The following CD53 variants were observed in gnomAD, a reference collection of about 807,000 sequenced individuals.
The protein encoded by CD53 is leukocyte surface antigen CD53.
Under a neutral mutation model 27.3 loss-of-function variants are expected in CD53, and 20 were observed. The observed-to-expected ratio is 0.73, with a 90% CI of 0.52 to 1.07. The LOEUF is 1.07. CD53 is among the 50% of genes least tolerant of loss of function. The pLI is 0.00. For synonymous variants in CD53, 106 were observed against 105.3 expected (o/e 1.01, Z -0.04); for missense variants, 216 against 264.0 (o/e 0.82, Z 1.26).
intron 5 of CD53, among the ~76,000 whole-genome samples, 159 bp from the exon 6 acceptor site, chr1:110,896,494 T>C (rs1405293309): frequency 6.6e-6 from 1 of 152,164 alleles, no homozygotes; most frequent in Non-Finnish European, 1.5e-5. Context: ...TATAACAGAT[T>C]AGAAAGCACT....
chr1:110,880,108 T>A (rs1656296910), intron 1 of CD53: 1 of 152,248 alleles, frequency 6.6e-6, no homozygotes, highest in Non-Finnish European at 1.5e-5. Flanking sequence ...CACGCAGGTT[T>A]CCTGGAAACT....
chr1:110,888,623 AT>A (rs1656726150), intron 1 of CD53, among the ~76,000 whole-genome samples: 1 of 152,226 alleles, frequency 6.6e-6, no homozygotes, highest in Admixed American at 6.5e-5. Context: ...ATGATTTTAT[AT>A]TTTTACGTTA....
intron 1 of CD53, among the ~76,000 whole-genome samples, chr1:110,887,975 T>C (rs543399665): frequency 1.8e-4 from 28 of 152,292 alleles, no homozygotes; most frequent in African/African-American, 5.3e-4. Context: ...GTGGTTCTTA[T>C]CTAATCATAT....
In CD53 at chr1:110,892,428, C is replaced by T. The variant is rs756776971; in HGVS notation, c.147C>T (p.Ser49=). 4.3e-6 allele frequency: 7 copies of T among 1,613,960 alleles called. No individual in the cohort carries two copies. The highest frequency in any genetic ancestry group is 8.5e-7 in the Non-Finnish European group (1 of 1,179,832). ...GAGTGCTCTTCCATAACCTCCCCTCCCTCACGCTGGGCAATGTGTTTGTCA... is the reference window on the plus strand; with the variant it reads ...GAGTGCTCTTCCATAACCTCCCCTCTCTCACGCTGGGCAATGTGTTTGTCA... The part of the protein sequence containing the change: ...NFGVLFHNLP[S]LTLGNVFVIV... The change falls in exon 3 of 8, where the codon TCC becomes TCT. Residue 49 remains serine, a synonymous_variant. Transcript: ENST00000271324.
intron 7 of CD53, 82 bp from the exon 8 acceptor site, chr1:110,899,042 T>C (rs1420989619): frequency 1.9e-6 from 2 of 1,041,818 alleles, no homozygotes; most frequent in African/African-American, 3.1e-5. Flanking sequence ...ATACATTCTT[T>C]TTCTCAGAGG....
chr1:110,874,768 CT>C (rs1278400548), intron 1 of CD53, among the ~76,000 whole-genome samples: 5 of 152,154 alleles, frequency 3.3e-5, no homozygotes, highest in African/African-American at 1.2e-4. Flanking sequence ...GTGACCTCAC[CT>C]TTGTTCACTG....
intron 6 of CD53, chr1:110,897,596 C>T (rs1657120979): frequency 1.1e-5 from 5 of 444,006 alleles, no homozygotes; most frequent in Non-Finnish European, 2.0e-5. Context: ...ACATTAGTTA[C>T]CACTGTAATG....
chr1:110,878,573 A>T (rs1265981542), intron 1 of CD53, among the ~76,000 whole-genome samples: 1 of 152,116 alleles, frequency 6.6e-6, no homozygotes, highest in Non-Finnish European at 1.5e-5. Flanking sequence ...ATTTTTTTTT[A>T]AAGAAAGCAT....
upstream of CD53, among the ~76,000 whole-genome samples, chr1:110,872,890 A>T (rs541614372): frequency 3.9e-5 from 6 of 152,206 alleles, no homozygotes; most frequent in Non-Finnish European, 8.8e-5. Flanking sequence ...CTAAGCAAAA[A>T]TCATTGCCAA....
chr1:110,899,394 A>G lies in CD53; in HGVS notation c.*199A>G, dbSNP rs1241202328. 1 of 504,516 alleles carries G rather than the reference A, an allele frequency of 2.0e-6. No individual in the cohort carries two copies. The highest frequency in any genetic ancestry group is 3.6e-6 in the Non-Finnish European group (1 of 279,932). The allele number at this position is 504,516 out of a possible 1,614,324, so 31.3% of individuals were successfully genotyped here. On this transcript the variant is annotated 3_prime_UTR_variant, in exon 8 of 8. Coordinates refer to ENST00000271324, the MANE Select transcript of CD53 (RefSeq NM_000560.4). ...CAGGCAGCAAGACAATCTTTCACTC[A>G]CTGACGGCAGCAGCCATGTCTCTCA...
intron 1 of CD53, among the ~76,000 whole-genome samples, chr1:110,886,870 T>TATATATATATATATATATATA (rs1491267172): frequency 2.8e-5 from 1 of 35,514 alleles, no homozygotes; most frequent in Non-Finnish European, 5.7e-5. Flanking sequence ...TATATATATA[T>TATATATATATATATATATATA]TTTTTTTTTC....
chr1:110,898,819 A>G (rs1657180232), intron 7 of CD53, among the ~76,000 whole-genome samples: 1 of 152,176 alleles, frequency 6.6e-6, no homozygotes, highest in Admixed American at 6.5e-5. Flanking sequence ...GAGATAACTC[A>G]TTGCACAGTG....
chr1:110,892,201 A>G (rs1411085905), intron 2 of CD53, 144 bp from the exon 3 acceptor site: 2 of 700,490 alleles, frequency 2.9e-6, no homozygotes, highest in Non-Finnish European at 5.1e-6. Flanking sequence ...TAAGCATGGA[A>G]AAGTTTGGTA....
intron 5 of CD53, 131 bp from the exon 6 acceptor site, chr1:110,896,522 T>C (rs1366933357): frequency 3.8e-6 from 3 of 779,540 alleles, no homozygotes; most frequent in East Asian, 2.5e-5. Flanking sequence ...AAGGAGCCCA[T>C]AGCAATCAGA....
intron 1 of CD53, among the ~76,000 whole-genome samples, chr1:110,890,790 T>G (rs553395072): frequency 1.4e-4 from 22 of 152,218 alleles, no homozygotes; most frequent in African/African-American, 5.1e-4. Context: ...GCTGTAAGAC[T>G]GTTGTCTTCT....
rs1445070870 is a variant in CD53 at position 110,894,353 on chromosome 1, C to T, written c.279C>T (p.Leu93=). 2 of 1,614,038 alleles carry T rather than the reference C, an allele frequency of 1.2e-6. No individual in the cohort carries two copies. Among genetic ancestry groups the T allele is most frequent in the Admixed American group, 1.7e-5 (1 of 60,014 alleles). Reference sequence around the variant, plus strand: ...TCTTCATCCTGCTGCTGATTATCCTCCTTGCTGAGGTGACCTTGGCCATCC... The same window carrying T: ...TCTTCATCCTGCTGCTGATTATCCTTCTTGCTGAGGTGACCTTGGCCATCC... ...MSFFILLLII[L]LAEVTLAILL... Residue 93 remains leucine, a synonymous_variant, in exon 4 of 8, where the codon CTC becomes CTT. Transcript: ENST00000271324.
At chr1:110,872,033 G>A (rs112967296), upstream of CD53, among the ~76,000 whole-genome samples, 10 of 152,248 alleles carry the variant, frequency 6.6e-5, no homozygotes, top group East Asian at 1.2e-3. Flanking sequence ...TGAAGGAAGC[G>A]GGAGACAGCT....
At chr1:110,884,413 T>C (rs540320625) in intron 1 of CD53, among the ~76,000 whole-genome samples, 1 of 152,264 alleles carries the variant, frequency 6.6e-6, no homozygotes, top group South Asian at 2.1e-4. Flanking sequence ...AAATGTTTCA[T>C]GTAACCTTGA....
chr1:110,875,793 G>T (rs1328094684), intron 1 of CD53, among the ~76,000 whole-genome samples: 1 of 152,204 alleles, frequency 6.6e-6, no homozygotes, highest in Non-Finnish European at 1.5e-5. Flanking sequence ...CTGGAGGTTG[G>T]GTGGTCAGTT....
Sources: allele counts gnomAD v4.1 joint callset (sites outside exome capture counted in the v4.1 genomes callset), GRCh38; gene constraint gnomAD v4.1.1; transcripts MANE v1.5; gene names NCBI Gene and HGNC (gene_info 2026-07-23, HGNC 2026-07-21).